The following ICE2 variants were observed in gnomAD, a reference collection of about 807,000 sequenced individuals.
ICE2 encodes interactor of little elongation complex ELL subunit 2, also known as little elongation complex subunit 2.
A neutral mutation model predicts 105.4 loss-of-function variants in ICE2; 87 were observed. That is an observed-to-expected ratio of 0.83 (90% CI 0.69 to 0.99). The LOEUF (loss-of-function observed/expected upper bound fraction) is 0.99. ICE2 is among the 50% of genes least tolerant of loss of function. ICE2 has a pLI of 0.00. For synonymous variants in ICE2, 399 were observed against 392.0 expected (o/e 1.02, Z -0.21); for missense variants, 1,323 against 1,146.7 (o/e 1.15, Z -2.22).
intron 7 of ICE2, 56 bp from the exon 8 acceptor site, chr15:60,455,218 T>A: frequency 6.5e-7 from 1 of 1,537,532 alleles, no homozygotes; most frequent in East Asian, 2.3e-5. Context: ...ATTTCTTCAA[T>A]AAAGAACAAA....
At chr15:60,429,375 G>A (rs550514126) in intron 14 of ICE2, among the ~76,000 whole-genome samples, 1 of 152,182 alleles carries the variant, frequency 6.6e-6, no homozygotes, top group South Asian at 2.1e-4. Context: ...TGTGAGTGTA[G>A]GCTTAGATAT....
intron 5 of ICE2, among the ~76,000 whole-genome samples, chr15:60,464,850 TAA>T (rs755710435): frequency 6.6e-6 from 1 of 152,106 alleles, no homozygotes; most frequent in East Asian, 1.9e-4. Context: ...GCCCTGTATC[TAA>T]AAAAAGTTAG....
chr15:60,442,380 A>T, intron 12 of ICE2, 36 bp downstream of exon 12: 5 of 1,552,110 alleles, frequency 3.2e-6, no homozygotes, highest in Non-Finnish European at 4.3e-6. Flanking sequence ...TTACAAGAAA[A>T]TTAAAAAGGA....
intron 14 of ICE2, among the ~76,000 whole-genome samples, chr15:60,429,733 C>T (rs1344210229): frequency 6.6e-6 from 1 of 152,030 alleles, no homozygotes; most frequent in Non-Finnish European, 1.5e-5. Context: ...TTGACAATTG[C>T]TCTTATCCTC....
chr15:60,439,006 GTTCA>G (rs1317122345), intron 12 of ICE2: 23 of 152,106 alleles, frequency 1.5e-4, no homozygotes, highest in Admixed American at 1.3e-3. Flanking sequence ...ATATACAAGC[GTTCA>G]TTCATATATA....
intron 5 of ICE2, 50 bp from the exon 6 acceptor site, chr15:60,456,844 A>G (rs968590564): frequency 3.2e-6 from 4 of 1,248,948 alleles, no homozygotes; most frequent in Non-Finnish European, 4.3e-6. Flanking sequence ...CTAATAATGC[A>G]AAAAGAAAAT....
At chr15:60,431,204 A>G (rs2063453149) in intron 14 of ICE2, among the ~76,000 whole-genome samples, 1 of 151,948 alleles carries the variant, frequency 6.6e-6, no homozygotes, top group Non-Finnish European at 1.5e-5. Flanking sequence ...TTAATCTTGA[A>G]AGTGAAAATA....
chr15:60,476,531 T>G (rs1441925397), intron 2 of ICE2, among the ~76,000 whole-genome samples: 2 of 152,230 alleles, frequency 1.3e-5, no homozygotes, highest in African/African-American at 4.8e-5. Context: ...GACATAACAT[T>G]AAGATACTTG....
chr15:60,458,260 TA>T (rs2064180320), intron 5 of ICE2, among the ~76,000 whole-genome samples: 1 of 152,190 alleles, frequency 6.6e-6, no homozygotes, highest in Non-Finnish European at 1.5e-5. Context: ...CACAGGAAGT[TA>T]AAAGATTCAG....
intron 5 of ICE2, among the ~76,000 whole-genome samples, chr15:60,460,051 A>G (rs1168138623): frequency 6.6e-6 from 1 of 152,226 alleles, no homozygotes. Flanking sequence ...TCCCACCTAG[A>G]TTTTTGTAGA....
intron 14 of ICE2, among the ~76,000 whole-genome samples, chr15:60,428,956 G>T (rs966141203): frequency 5.9e-5 from 9 of 152,034 alleles, no homozygotes; most frequent in African/African-American, 1.9e-4. Context: ...CATTTAATGG[G>T]AAACAAACAG....
In ICE2 at chr15:60,455,130, AAG is replaced by A; in HGVS notation, c.814_815del (p.Leu272CysfsTer12). On this transcript the variant is annotated frameshift_variant, in exon 8 of 16. Transcript: ENST00000261520. LOFTEE classifies it high-confidence loss of function. ...DISKDPNAEKLVSRYHPQIAL... is the reference protein window; with the variant it reads ...DISKDPNAEKXVSRYHPQIAL... ...CTATCTGAGGGTGATATCTGGAAAC[AAG>A]CTTCTCTGCATTTGGATCTTTACTA... 6.3e-7 allele frequency: 1 copy of A among 1,588,058 alleles called. No individual in the cohort carries two copies. The highest frequency in any genetic ancestry group is 8.5e-7 in the Non-Finnish European group (1 of 1,172,240).
chr15:60,477,579 T>C (rs2064799946), intron 2 of ICE2, among the ~76,000 whole-genome samples: 1 of 152,244 alleles, frequency 6.6e-6, no homozygotes, highest in Admixed American at 6.5e-5. Flanking sequence ...ACAAAAAGCA[T>C]GTCTATTCTT....
At chr15:60,461,469 T>C (rs1458060443) in intron 5 of ICE2, among the ~76,000 whole-genome samples, 1 of 152,158 alleles carries the variant, frequency 6.6e-6, no homozygotes, top group Non-Finnish European at 1.5e-5. Context: ...AAAATTGTTT[T>C]AAAAATTAAA....
intron 11 of ICE2, 148 bp from the exon 12 acceptor site, chr15:60,442,693 T>C (rs2063744392): frequency 1.7e-6 from 1 of 601,516 alleles, no homozygotes; most frequent in African/African-American, 1.9e-5. Context: ...CACTGTAAGA[T>C]GGATACATTC....
At chr15:60,461,672 T>C (rs1018416713) in intron 5 of ICE2, among the ~76,000 whole-genome samples, 1 of 152,178 alleles carries the variant, frequency 6.6e-6, no homozygotes, top group Non-Finnish European at 1.5e-5. Context: ...GTGAGTGTAA[T>C]GTGGGATAAA....
At chr15:60,440,478 T>C (rs1402477718) in intron 12 of ICE2, 3 of 152,168 alleles carry the variant, frequency 2.0e-5, no homozygotes, top group Non-Finnish European at 2.9e-5. Context: ...GTGGGGAACA[T>C]GTTTATAGCA....
intron 11 of ICE2, chr15:60,447,455 A>C (rs1472289645): frequency 6.6e-6 from 1 of 152,122 alleles, no homozygotes; most frequent in Non-Finnish European, 1.5e-5. Flanking sequence ...TTTTTTCTGG[A>C]TTTTCGAATA....
intron 14 of ICE2, among the ~76,000 whole-genome samples, chr15:60,431,345 T>C (rs1209865102): frequency 6.6e-6 from 1 of 152,076 alleles, no homozygotes. Context: ...GATGAGGGGA[T>C]TATCCCAAAT....
Sources: gnomAD v4.1 joint callset for allele counts (sites outside exome capture counted in the v4.1 genomes callset) on GRCh38, gnomAD v4.1.1 for gene constraint, MANE v1.5 for transcripts, NCBI Gene and HGNC (gene_info 2026-07-23, HGNC 2026-07-21) for gene names.